FNDC3B: variants seen among roughly 807,000 people sequenced by gnomAD.
FNDC3B encodes fibronectin type III domain-containing protein 3B.
Under a neutral mutation model 151.5 loss-of-function variants are expected in FNDC3B, and 12 were observed. That is an observed-to-expected ratio of 0.08 (90% confidence interval 0.05 to 0.13). The LOEUF (loss-of-function observed/expected upper bound fraction) is 0.13. Among genes scored for constraint, FNDC3B ranks in the 10% least tolerant of loss-of-function variants. The probability of loss-of-function intolerance (pLI) is 1.00; values close to 1 mark genes in which losing one functional copy is unlikely to be tolerated. For missense variants in FNDC3B, 1,214 were observed against 1,505.3 expected, an observed-to-expected ratio of 0.81 and a Z score of 3.20; for synonymous variants, 528 against 549.0, an observed-to-expected ratio of 0.96 and a Z score of 0.54.
intron 1 of FNDC3B, among the ~76,000 whole-genome samples, chr3:172,068,133 C>G (rs1437562907): frequency 6.6e-6 from 1 of 152,152 alleles, no homozygotes; most frequent in African/African-American, 2.4e-5. Flanking sequence ...TCTATTTTGT[C>G]TTATACACTT....
At chr3:172,270,520 T>G (rs1646108933) in intron 6 of FNDC3B, among the ~76,000 whole-genome samples, 1 of 152,226 alleles carries the variant, frequency 6.6e-6, no homozygotes. Flanking sequence ...TTTTATACTT[T>G]GTATAGTAGA....
chr3:172,248,196 C>T (rs935842158), intron 5 of FNDC3B, among the ~76,000 whole-genome samples: 1 of 152,120 alleles, frequency 6.6e-6, no homozygotes, highest in Non-Finnish European at 1.5e-5. Flanking sequence ...GTGTTTTGTG[C>T]CCCATTTCCA....
At position 172,138,677 on chromosome 3, in the gene FNDC3B, C is replaced by T. The variant is rs145373479; in HGVS notation, c.187+5131C>T. On this transcript the variant is annotated intron_variant, in intron 3 of 25. Coordinates refer to ENST00000415807, the MANE Select transcript of FNDC3B (RefSeq NM_022763.4). ...ATTAAAGTAAAATTCTTAGGAAGCA[C>T]CATTATGTTAGTAAACAGTAATATT... Among the ~76,000 whole-genome samples, 5 of 152,284 alleles carry T rather than the reference C, an allele frequency of 3.3e-5. No homozygotes were observed. The East Asian group carries it at 7.7e-4, about 23-fold the overall frequency.
intron 6 of FNDC3B, among the ~76,000 whole-genome samples, chr3:172,254,111 A>G (rs953736766): frequency 6.6e-6 from 1 of 152,196 alleles, no homozygotes; most frequent in South Asian, 2.1e-4. Flanking sequence ...TCACTTACAA[A>G]AAACAAATCT....
chr3:172,101,148 C>G (rs1719359925), intron 1 of FNDC3B, among the ~76,000 whole-genome samples: 1 of 152,144 alleles, frequency 6.6e-6, no homozygotes, highest in Non-Finnish European at 1.5e-5. Context: ...CCTGGCTGAT[C>G]AGAAATGAAG....
intron 25 of FNDC3B, among the ~76,000 whole-genome samples, chr3:172,388,425 T>C (rs1213684324): frequency 3.3e-5 from 5 of 152,192 alleles, no homozygotes; most frequent in Non-Finnish European, 7.3e-5. Context: ...AATAATAATG[T>C]TTCTATACTT....
chr3:172,227,219 G>A (rs963882172), intron 4 of FNDC3B: 4 of 298,482 alleles, frequency 1.3e-5, no homozygotes, highest in African/African-American at 4.3e-5. Flanking sequence ...TTTCTTTATG[G>A]AGTCTCCTGC....
intron 19 of FNDC3B, among the ~76,000 whole-genome samples, chr3:172,344,955 C>T (rs1420851740): frequency 2.6e-5 from 4 of 152,032 alleles, no homozygotes; most frequent in Non-Finnish European, 4.4e-5. Context: ...AGGGCAGAAG[C>T]GTGTGGGTAA....
intron 6 of FNDC3B, among the ~76,000 whole-genome samples, chr3:172,281,376 T>C (rs11711634): frequency 0.097 from 14,688 of 151,908 alleles, 777 homozygotes; most frequent in African/African-American, 0.14. Flanking sequence ...TCCTGAGTAG[T>C]TGGGATTGCA....
chr3:172,349,659 T>C (rs1054772136), intron 21 of FNDC3B, among the ~76,000 whole-genome samples: 2 of 152,102 alleles, frequency 1.3e-5, no homozygotes, highest in African/African-American at 4.8e-5. Context: ...TTCTTTTCTT[T>C]TTTTTCTTTT....
intron 3 of FNDC3B, among the ~76,000 whole-genome samples, chr3:172,215,145 C>T (rs6806070): frequency 0.89 from 135,757 of 152,274 alleles, 60,810 homozygotes; most frequent in African/African-American, 0.95. Flanking sequence ...ATTGCCCTGC[C>T]AGAGCATGAC....
In FNDC3B at chr3:172,343,021, G is replaced by A. The variant is rs1393613909; in HGVS notation, c.1982G>A (p.Ser661Asn). 1 of 1,608,378 alleles carries A rather than the reference G, an allele frequency of 6.2e-7. No individual in the cohort carries two copies. Among genetic ancestry groups the A allele is most frequent in the Non-Finnish European group, 8.5e-7 (1 of 1,174,994 alleles). ...STGGHSQCSE[S>N]LPVRTLSIAP... ...GTGTTTCTCCTGCAGTGTTCTGAAA[G>A]TCTCCCTGTTCGCACACTAAGCATT... The change falls in exon 18 of 26, where the codon AGT (serine) becomes AAT (asparagine). Residue 661 changes from serine to asparagine, a missense_variant. Around this residue, in one of 7 missense-constraint regions of FNDC3B, gnomAD observed 380 missense variants for 420.9 expected, o/e 0.90. Transcript: ENST00000415807.
chr3:172,120,926 T>C (rs1250232913), intron 2 of FNDC3B, among the ~76,000 whole-genome samples: 1 of 151,810 alleles, frequency 6.6e-6, no homozygotes, highest in African/African-American at 2.4e-5. Context: ...ATTGCGCCAT[T>C]GCACTCCAGC....
At chr3:172,315,427 C>A (rs1731730684) in intron 11 of FNDC3B, among the ~76,000 whole-genome samples, 1 of 152,182 alleles carries the variant, frequency 6.6e-6, no homozygotes, top group Non-Finnish European at 1.5e-5. Flanking sequence ...CAGCTGTGGC[C>A]TTCAGTTTCG....
At chr3:172,340,924 A>G (rs1421307049) in intron 16 of FNDC3B, among the ~76,000 whole-genome samples, 189 bp from the exon 17 acceptor site, 1 of 152,262 alleles carries the variant, frequency 6.6e-6, no homozygotes, top group East Asian at 1.9e-4. Flanking sequence ...AACACTAAGT[A>G]TTAAAAATGA....
intron 3 of FNDC3B, among the ~76,000 whole-genome samples, chr3:172,138,228 G>A (rs1721466716): frequency 6.6e-6 from 1 of 152,172 alleles, no homozygotes; most frequent in Admixed American, 6.5e-5. Context: ...CTGGTTATAT[G>A]CGTAAACCTT....
chr3:172,256,655 A>C (rs947038287), intron 6 of FNDC3B, among the ~76,000 whole-genome samples: 1 of 152,356 alleles, frequency 6.6e-6, no homozygotes, highest in Middle Eastern at 3.4e-3. Flanking sequence ...GAAGTTATTG[A>C]GTGGGATACA....
intron 1 of FNDC3B, among the ~76,000 whole-genome samples, chr3:172,079,466 CAGACCCAAA>C (rs1718177065): frequency 1.3e-5 from 2 of 152,162 alleles, no homozygotes; most frequent in South Asian, 4.1e-4. Context: ...TGGACAGATA[CAGACCCAAA>C]AGACTTCAGA....
chr3:172,106,657 C>A (rs915973184), intron 1 of FNDC3B, among the ~76,000 whole-genome samples: 21 of 152,196 alleles, frequency 1.4e-4, no homozygotes, highest in African/African-American at 4.6e-4. Flanking sequence ...ACTCTCCCAG[C>A]AGTGATTAGG....
Sources: allele counts gnomAD v4.1 joint callset (sites outside exome capture counted in the v4.1 genomes callset), GRCh38; gene constraint gnomAD v4.1.1; regional missense constraint gnomAD v4.1.1; transcripts MANE v1.5; gene names NCBI Gene and HGNC (gene_info 2026-07-23, HGNC 2026-07-21).